Variants in GNAL observed in about 807,000 individuals in gnomAD.
GNAL encodes G protein subunit alpha L.
In GNAL, 18 loss-of-function variants were observed where a neutral mutation model predicts 55.1. The observed-to-expected ratio is 0.33, with a 90% confidence interval of 0.23 to 0.48. The LOEUF (loss-of-function observed/expected upper bound fraction) is 0.48. Ranked by LOEUF, GNAL falls within the 20% of genes least tolerant of loss-of-function variation. GNAL has a pLI of 0.99. For synonymous variants in GNAL, 253 were observed against 237.0 expected, an observed-to-expected ratio of 1.07 and a Z score of -0.62; for missense variants, 412 against 614.1, an observed-to-expected ratio of 0.67 and a Z score of 3.48.
chr18:11,728,585 T>C (rs2032266700), intron 1 of GNAL, among the ~76,000 whole-genome samples: 1 of 152,194 alleles, frequency 6.6e-6, no homozygotes, highest in Admixed American at 6.5e-5. Context: ...TTCTAACAGG[T>C]GTTTGTTCTT....
intron 4 of GNAL, among the ~76,000 whole-genome samples, chr18:11,822,896 C>G (rs2035143175): frequency 6.7e-6 from 1 of 149,776 alleles, no homozygotes; most frequent in South Asian, 2.1e-4. Context: ...ATTTGGAAAC[C>G]TATTATAGTG....
chr18:11,856,445 C>T (rs1021371144), intron 5 of GNAL, among the ~76,000 whole-genome samples: 8 of 151,228 alleles, frequency 5.3e-5, no homozygotes, highest in Admixed American at 4.6e-4. Context: ...TTTCTGATGA[C>T]AGCAGACAGG....
chr18:11,821,024 T>C (rs903043388), intron 4 of GNAL, among the ~76,000 whole-genome samples: 1 of 152,206 alleles, frequency 6.6e-6, no homozygotes, highest in Non-Finnish European at 1.5e-5. Context: ...GCAGTTCCAG[T>C]CCTCACCAGT....
intron 5 of GNAL, chr18:11,852,612 T>G (rs1477297124): frequency 5.7e-4 from 14 of 24,672 alleles, no homozygotes; most frequent in South Asian, 3.1e-3. Flanking sequence ...TTTTGGTTTT[T>G]GTTTTTTTTT....
intron 5 of GNAL, among the ~76,000 whole-genome samples, chr18:11,849,501 C>CAAAAAAAAAA (rs71172025): frequency 1.5e-5 from 2 of 130,478 alleles, no homozygotes; most frequent in African/African-American, 6.4e-5. Context: ...GATTTCATCT[C>CAAAAAAAAAA]AAAAAAAAAA....
chr18:11,752,936 T>G lies in GNAL; in HGVS notation c.449+11T>G. The G allele has an allele frequency of 1.3e-6, 2 of 1,533,134 alleles. No homozygotes were observed. Among genetic ancestry groups the G allele is most frequent in the South Asian group, 1.1e-5 (1 of 89,228 alleles). 95.0% of individuals were successfully genotyped at this position (1,533,134 alleles called of 1,614,324 possible). ...TGGGTTTAATCCCGAGTAAGAATGT[T>G]CAGTTTGCTTCCAAACTGCATGCAA... On this transcript the variant is annotated intron_variant, in intron 2 of 11. Transcript: ENST00000334049. The surrounding 1 kb of genome is among the most constrained non-coding windows in gnomAD (Gnocchi z 4.5).
intron 4 of GNAL, among the ~76,000 whole-genome samples, chr18:11,821,714 CG>C (rs2035095571): frequency 6.6e-6 from 1 of 152,200 alleles, no homozygotes; most frequent in South Asian, 2.1e-4. Context: ...TGGGGAGCTG[CG>C]GGGGTGCACT....
chr18:11,775,628 G>T (rs1473068995), intron 4 of GNAL, among the ~76,000 whole-genome samples: 5 of 152,194 alleles, frequency 3.3e-5, no homozygotes, highest in African/African-American at 1.2e-4. Context: ...AAGTACCACG[G>T]ACAGCAAGAA....
chr18:11,771,881 A>AT lies in GNAL; in HGVS notation c.624+17943dup, dbSNP rs2033646197. 4.6e-5 allele frequency among the ~76,000 whole-genome samples: 7 copies of AT among 152,028 alleles called. No individual in the cohort carries two copies. In the South Asian group the frequency reaches 1.5e-3, roughly 32 times the overall value. The stretch of plus-strand genomic sequence containing the variant: ...AGGTGTGTGACACCATGCCTGGCTA[A>AT]TTTTTTTGTTTTTTTTAGTAGTAGA... On this transcript the variant is annotated intron_variant, in intron 4 of 11. Coordinates refer to ENST00000334049, the MANE Select transcript of GNAL (RefSeq NM_182978.4).
At chr18:11,829,099 G>T (rs1671252453) in intron 5 of GNAL, among the ~76,000 whole-genome samples, 1 of 152,208 alleles carries the variant, frequency 6.6e-6, no homozygotes, top group African/African-American at 2.4e-5. Flanking sequence ...GAAAGCCACA[G>T]ATAAAAACTG....
At chr18:11,727,620 A>G (rs16976612) in intron 1 of GNAL, among the ~76,000 whole-genome samples, 8,520 of 152,288 alleles carry the variant, frequency 0.056, 817 homozygotes, top group African/African-American at 0.19. Flanking sequence ...AGCCAATTGT[A>G]TAAGGATATT....
chr18:11,741,480 G>A (rs1456696471), intron 1 of GNAL, among the ~76,000 whole-genome samples: 3 of 152,144 alleles, frequency 2.0e-5, no homozygotes, highest in Non-Finnish European at 4.4e-5. Flanking sequence ...CTGTGCTCCC[G>A]CTGTAATCGT....
intron 4 of GNAL, among the ~76,000 whole-genome samples, chr18:11,794,844 G>C (rs1204880291): frequency 1.3e-5 from 2 of 149,364 alleles, no homozygotes; most frequent in African/African-American, 2.5e-5. Context: ...TTGTTTGTTT[G>C]TTTGTTTGTT....
chr18:11,719,157 C>T (rs913508832), intron 1 of GNAL, among the ~76,000 whole-genome samples: 15 of 152,050 alleles, frequency 9.9e-5, no homozygotes, highest in African/African-American at 3.6e-4. Flanking sequence ...TATTTAAAAA[C>T]ATTATAACTA....
At position 11,883,695 on chromosome 18, in the gene GNAL, T is replaced by G. The variant is rs1255001977; in HGVS notation, c.*2560T>G. ...TCTGCACATCACATCTGTACTTTTT[T>G]TTTTTTAAATATATTTTTTGAGACG... is the stretch of plus-strand genomic sequence containing the variant. On this transcript the variant is annotated 3_prime_UTR_variant, in exon 12 of 12. Coordinates refer to ENST00000334049, the MANE Select transcript of GNAL (RefSeq NM_182978.4). 6.6e-6 allele frequency: 1 copy of G among 152,626 alleles called. No individual in the cohort carries two copies. The highest frequency in any genetic ancestry group is 1.9e-4 in the East Asian group (1 of 5,194). The allele number at this position is 152,626 out of a possible 1,614,324, so 9.5% of individuals were successfully genotyped here.
intron 1 of GNAL, among the ~76,000 whole-genome samples, chr18:11,690,208 T>C (rs886103123): frequency 2.0e-5 from 3 of 152,118 alleles, no homozygotes; most frequent in Admixed American, 6.5e-5. Flanking sequence ...CCGCTCGCTC[T>C]CTCTAATTAA....
intron 1 of GNAL, among the ~76,000 whole-genome samples, chr18:11,735,845 A>G (rs1244677176): frequency 6.6e-6 from 1 of 152,004 alleles, no homozygotes; most frequent in East Asian, 1.9e-4. Flanking sequence ...AAAAAATGCA[A>G]GGTCACAGTA....
chr18:11,845,207 A>G (rs956352612), intron 5 of GNAL, among the ~76,000 whole-genome samples: 9 of 152,206 alleles, frequency 5.9e-5, no homozygotes, highest in African/African-American at 2.2e-4. Flanking sequence ...TGTTCAGGTT[A>G]AACATAAAAA....
intron 4 of GNAL, among the ~76,000 whole-genome samples, chr18:11,791,450 T>C (rs112390284): frequency 3.1e-3 from 472 of 152,242 alleles, no homozygotes; most frequent in Non-Finnish European, 5.2e-3. Context: ...AAACAGAAGG[T>C]TGATTATCAA....
Sources: gnomAD v4.1 joint callset for allele counts (sites outside exome capture counted in the v4.1 genomes callset) on GRCh38, gnomAD v4.1.1 for gene constraint, Gnocchi (gnomAD v3.1) non-coding constraint, MANE v1.5 for transcripts, NCBI Gene and HGNC (gene_info 2026-07-23, HGNC 2026-07-21) for gene names.